The following CEP63 variants were observed in gnomAD, a reference collection of about 807,000 sequenced individuals.
The protein encoded by CEP63 is centrosomal protein 63.
A neutral mutation model predicts 89.1 loss-of-function variants in CEP63; 84 were observed. The observed-to-expected ratio is 0.94, with a 90% CI of 0.79 to 1.13. CEP63 has a LOEUF of 1.13. Ranked by LOEUF, CEP63 falls within the 50% of genes most tolerant of loss-of-function variation. The probability of loss-of-function intolerance (pLI) is 0.00; values close to 1 mark genes in which losing one functional copy is unlikely to be tolerated. For synonymous variants in CEP63, 267 were observed against 272.5 expected, an observed-to-expected ratio of 0.98 and a Z score of 0.20; for missense variants, 838 against 813.3, an observed-to-expected ratio of 1.03 and a Z score of -0.37.
chr3:134,502,053 TA>T (rs1942157695), intron 2 of CEP63, among the ~76,000 whole-genome samples: 1 of 152,222 alleles, frequency 6.6e-6, no homozygotes, highest in Non-Finnish European at 1.5e-5. Context: ...TATTAAGTTT[TA>T]TTGAATGCTT....
At chr3:134,571,664 G>A (rs982333463) in intron 11 of CEP63, among the ~76,000 whole-genome samples, 29 of 152,142 alleles carry the variant, frequency 1.9e-4, no homozygotes, top group Non-Finnish European at 4.1e-4. Flanking sequence ...CTGGGCAACA[G>A]AGCGAGACTC....
At chr3:134,662,286 A>AG in the CEP63 span, among the ~76,000 whole-genome samples, 1 of 151,262 alleles carries the variant, frequency 6.6e-6, no homozygotes, top group African/African-American at 2.4e-5. Flanking sequence ...CAAAAAAGAA[A>AG]AAAAAAAAAA....
At chr3:134,619,283 G>T in the CEP63 span, 13 of 1,583,650 alleles carry the variant, frequency 8.2e-6, no homozygotes, top group South Asian at 1.4e-4. Flanking sequence ...GCAGGTGAGG[G>T]GATCATGAAG....
the CEP63 span, among the ~76,000 whole-genome samples, chr3:134,654,479 A>G: frequency 6.6e-6 from 1 of 152,216 alleles, no homozygotes; most frequent in Non-Finnish European, 1.5e-5. Context: ...AGAGGCACAC[A>G]GAGAGTTCTG....
chr3:134,700,428 G>A, the CEP63 span, among the ~76,000 whole-genome samples: 1 of 152,060 alleles, frequency 6.6e-6, no homozygotes, highest in South Asian at 2.1e-4. Context: ...AGTCCTATAA[G>A]GCTTATAATG....
intron 1 of CEP63, among the ~76,000 whole-genome samples, chr3:134,494,041 T>C (rs558494763): frequency 6.6e-6 from 1 of 152,250 alleles, no homozygotes; most frequent in South Asian, 2.1e-4. Context: ...AAGGGTCCTC[T>C]TTCCTTTCTC....
the CEP63 span, among the ~76,000 whole-genome samples, chr3:134,675,580 A>G: frequency 2.0e-5 from 3 of 152,234 alleles, no homozygotes; most frequent in Non-Finnish European, 4.4e-5. Context: ...GACACTATCA[A>G]GAAAGTGAAA....
In CEP63 at chr3:134,562,412, C is replaced by T. The variant is rs1161649302; in HGVS notation, c.*877C>T. ...GCAAAGGAACTAGAATGTGCAGTTA[C>T]AGATGAGAAAGGTCAGTGTAGTGTA... On this transcript the variant is annotated 3_prime_UTR_variant, in exon 15 of 15. Transcript: ENST00000675561. 1 of 175,914 alleles carries T rather than the reference C, an allele frequency of 5.7e-6. No individual in the cohort carries two copies. The highest frequency in any genetic ancestry group is 2.4e-5 in the African/African-American group (1 of 41,870). The allele number at this position is 175,914 out of a possible 1,614,324, so 10.9% of individuals were successfully genotyped here.
At chr3:134,545,561 A>G (rs768622423) in intron 6 of CEP63, 25 bp from the exon 7 acceptor site, 10 of 1,482,208 alleles carry the variant, frequency 6.7e-6, no homozygotes, top group African/African-American at 2.8e-5. Flanking sequence ...CCTTTTACCT[A>G]TTGATTGATA....
At chr3:134,643,257 A>C in the CEP63 span, 1 of 1,537,276 alleles carries the variant, frequency 6.5e-7, no homozygotes, top group South Asian at 1.1e-5. Flanking sequence ...CGCTGGCCAG[A>C]GCATCAGGTC....
intron 5 of CEP63, chr3:134,535,448 G>A (rs1223555988): frequency 6.7e-6 from 1 of 148,990 alleles, no homozygotes; most frequent in Non-Finnish European, 1.5e-5. Context: ...TCACTCCTCA[G>A]TCTCCATTAT....
intron 6 of CEP63, among the ~76,000 whole-genome samples, chr3:134,544,417 A>G (rs1952741241): frequency 6.6e-6 from 1 of 152,186 alleles, no homozygotes; most frequent in Non-Finnish European, 1.5e-5. Flanking sequence ...AACCAGTTTG[A>G]GATGCATTAT....
the CEP63 span, among the ~76,000 whole-genome samples, chr3:134,733,209 C>G: frequency 2.0e-5 from 3 of 152,148 alleles, no homozygotes; most frequent in Non-Finnish European, 4.4e-5. Context: ...CTTGAAAAGA[C>G]AGACTGAATA....
At chr3:134,700,501 G>A in the CEP63 span, among the ~76,000 whole-genome samples, 3 of 152,060 alleles carry the variant, frequency 2.0e-5, no homozygotes, top group Non-Finnish European at 4.4e-5. Flanking sequence ...AGAGGTGAAC[G>A]CTTTCAATAA....
At chr3:134,631,340 G>A in the CEP63 span, among the ~76,000 whole-genome samples, 9 of 152,284 alleles carry the variant, frequency 5.9e-5, no homozygotes, top group East Asian at 1.4e-3. Context: ...GCGATGTAAA[G>A]CCAAGAGAAT....
chr3:134,774,743 G>A, the CEP63 span, among the ~76,000 whole-genome samples: 1 of 152,102 alleles, frequency 6.6e-6, no homozygotes, highest in Non-Finnish European at 1.5e-5. Flanking sequence ...ATGTTTTAGA[G>A]GTCCATGCAT....
intron 10 of CEP63, among the ~76,000 whole-genome samples, chr3:134,580,941 G>C (rs72974107): frequency 0.026 from 3,679 of 141,054 alleles, 176 homozygotes; most frequent in African/African-American, 0.089. Flanking sequence ...GAATTACCTA[G>C]TTGGGTCTCA....
chr3:134,565,920 A>C (rs1957739088), downstream of CEP63, among the ~76,000 whole-genome samples: 1 of 152,134 alleles, frequency 6.6e-6, no homozygotes, highest in African/African-American at 2.4e-5. Context: ...AGCTCCCCCC[A>C]CAGTATGCTT....
chr3:134,664,860 C>T, the CEP63 span, among the ~76,000 whole-genome samples: 1 of 152,156 alleles, frequency 6.6e-6, no homozygotes, highest in Admixed American at 6.5e-5. Flanking sequence ...GCTGCATGGC[C>T]TGCAGTAAAT....
Sources: gnomAD v4.1 joint callset for allele counts (sites outside exome capture counted in the v4.1 genomes callset) on GRCh38, gnomAD v4.1.1 for gene constraint, MANE v1.5 for transcripts, NCBI Gene and HGNC (gene_info 2026-07-23, HGNC 2026-07-21) for gene names.